The following EEFSEC variants were observed in gnomAD, a reference collection of about 807,000 sequenced individuals.
EEFSEC encodes the protein eukaryotic elongation factor, selenocysteine-tRNA specific.
EEFSEC carries 43 observed loss-of-function variants against 42.1 expected under a neutral mutation model. The observed-to-expected ratio is 1.02, with a 90% CI of 0.80 to 1.32. The LOEUF is 1.32. EEFSEC is among the 40% of genes most tolerant of loss of function. EEFSEC has a pLI of 0.00. For missense variants in EEFSEC, 745 were observed against 803.6 expected (o/e 0.93, Z 0.88); for synonymous variants, 354 against 339.1 (o/e 1.04, Z -0.48).
the EEFSEC span, among the ~76,000 whole-genome samples, chr3:128,418,506 C>G: frequency 5.3e-5 from 8 of 152,052 alleles, no homozygotes; most frequent in East Asian, 1.4e-3. Flanking sequence ...CACCCCAGGC[C>G]AGGCTACTCC....
chr3:128,358,816 C>T (rs113409715), intron 6 of EEFSEC, among the ~76,000 whole-genome samples: 23 of 152,288 alleles, frequency 1.5e-4, no homozygotes, highest in African/African-American at 5.5e-4. Flanking sequence ...CACAGACCCC[C>T]AGGCTCAGCA....
At position 128,341,686 on chromosome 3, in the gene EEFSEC, G is replaced by A. The variant is rs2067255916; in HGVS notation, c.1240G>A (p.Val414Met). The change falls in exon 5 of 7, where the codon GTG (valine) becomes ATG (methionine). Residue 414 changes from valine (V) to methionine (M), a missense_variant. Val to Met is a conservative substitution (Grantham distance 21). Transcript: ENST00000254730. The part of the protein sequence containing the change: ...GHCPRQQWAL[V>M]EFEKPVTCPR... ...TTGTCCTCGGCAGCAGTGGGCCCTG[G>A]TGGAGTTTGAGAAGCCCGTCACCTG... 1 of 1,614,116 alleles carries A rather than the reference G, an allele frequency of 6.2e-7. No homozygotes were observed. The highest frequency in any genetic ancestry group is 8.5e-7 in the Non-Finnish European group (1 of 1,180,038).
chr3:128,412,022 G>C (rs896798153), downstream of EEFSEC, among the ~76,000 whole-genome samples: 2 of 152,254 alleles, frequency 1.3e-5, no homozygotes, highest in African/African-American at 4.8e-5. Flanking sequence ...TTGTCAGTGT[G>C]TGTATCTCTT....
At chr3:128,307,442 C>T (rs575258105) in intron 4 of EEFSEC, among the ~76,000 whole-genome samples, 7 of 152,264 alleles carry the variant, frequency 4.6e-5, no homozygotes, top group South Asian at 4.1e-4. Context: ...AGGGACCCAG[C>T]GGGGCCCAGC....
chr3:128,381,030 G>C (rs1356415173), intron 6 of EEFSEC, among the ~76,000 whole-genome samples: 1 of 152,222 alleles, frequency 6.6e-6, no homozygotes, highest in Non-Finnish European at 1.5e-5. Context: ...CAGAATATCA[G>C]GCCTTGACAG....
At chr3:128,288,638 C>A (rs1344985484) in intron 4 of EEFSEC, among the ~76,000 whole-genome samples, 2 of 152,232 alleles carry the variant, frequency 1.3e-5, no homozygotes, top group East Asian at 3.8e-4. Flanking sequence ...GCTGCCAGTA[C>A]ATTGGTTGGA....
At chr3:128,282,752 C>G (rs1430129987) in intron 4 of EEFSEC, among the ~76,000 whole-genome samples, 7 of 152,180 alleles carry the variant, frequency 4.6e-5, no homozygotes. Context: ...GGAGAGGCAA[C>G]CTGGTGAGTC....
intron 4 of EEFSEC, among the ~76,000 whole-genome samples, chr3:128,277,027 C>A (rs780819084): frequency 3.3e-5 from 5 of 152,184 alleles, no homozygotes; most frequent in Non-Finnish European, 7.4e-5. Context: ...GGAAGCAGAC[C>A]CTTCTGGGCA....
intron 1 of EEFSEC, among the ~76,000 whole-genome samples, chr3:128,221,639 A>G (rs930641337): frequency 8.5e-5 from 13 of 152,332 alleles, no homozygotes; most frequent in African/African-American, 2.9e-4. Flanking sequence ...CACATGTGCA[A>G]GCCCCCACAG....
chr3:128,381,740 G>A (rs910569187), intron 6 of EEFSEC, among the ~76,000 whole-genome samples: 2 of 152,204 alleles, frequency 1.3e-5, no homozygotes, highest in Non-Finnish European at 2.9e-5. Flanking sequence ...CACGGAAGGG[G>A]CATCTTCGTG....
intron 1 of EEFSEC, among the ~76,000 whole-genome samples, chr3:128,216,023 G>A (rs1226231967): frequency 6.6e-6 from 1 of 152,168 alleles, no homozygotes; most frequent in Non-Finnish European, 1.5e-5. Context: ...CCCTGTGCCA[G>A]TGGAGTGCTA....
chr3:128,409,626 A>G (rs1274573926), downstream of EEFSEC, among the ~76,000 whole-genome samples: 1 of 152,292 alleles, frequency 6.6e-6, no homozygotes, highest in South Asian at 2.1e-4. Context: ...AACGTGAGAG[A>G]GAGTGTGGCC....
intron 6 of EEFSEC, among the ~76,000 whole-genome samples, chr3:128,403,139 C>T (rs897490065): frequency 1.3e-5 from 2 of 152,152 alleles, no homozygotes; most frequent in African/African-American, 4.8e-5. Context: ...GAAAGTGAAC[C>T]TGCAGCTGCC....
chr3:128,317,112 G>A lies in EEFSEC; in HGVS notation c.787-24121G>A, dbSNP rs1242237416. Among the ~76,000 whole-genome samples, 2 of 152,198 alleles carry A rather than the reference G, an allele frequency of 1.3e-5. No individual in the cohort carries two copies. Among genetic ancestry groups the A allele is most frequent in the Admixed American group, 6.5e-5 (1 of 15,286 alleles). ...AAAATAGAAGACGTTCTGGCAGGCT[G>A]GGGGTTAGAGTTTTCCAAGCAGAGC... On this transcript the variant is annotated intron_variant, in intron 4 of 6. Coordinates refer to ENST00000254730, the MANE Select transcript of EEFSEC (RefSeq NM_021937.5). This position sits in a 1 kb window ranked among gnomAD's most constrained non-coding sequence, Gnocchi z 4.1.
rs374768292 is a variant in EEFSEC at position 128,391,792 on chromosome 3, G to A, written c.1601-16277G>A. On this transcript the variant is annotated intron_variant, in intron 6 of 6. Transcript: ENST00000254730. ...CTGGCCCACTCAGGCAGTCCTCAGA[G>A]TCTGGGACAGTGCCTGGTGCCCAGC... Among the ~76,000 whole-genome samples the A allele has an allele frequency of 2.0e-4, 30 of 152,374 alleles. 2 individuals carry two copies. The highest frequency in any genetic ancestry group is 1.4e-3 in the East Asian group (7 of 5,184).
intron 6 of EEFSEC, among the ~76,000 whole-genome samples, chr3:128,395,850 C>T (rs1396256180): frequency 6.6e-6 from 1 of 152,228 alleles, no homozygotes; most frequent in Non-Finnish European, 1.5e-5. Context: ...CTTTACCAAG[C>T]GCTTCCTGGA....
chr3:128,170,219 G>A (rs948917794), intron 1 of EEFSEC, among the ~76,000 whole-genome samples: 4 of 152,148 alleles, frequency 2.6e-5, no homozygotes, highest in Admixed American at 2.6e-4. Context: ...TTTTTCTGCT[G>A]TTGATTTTCT....
At chr3:128,392,541 C>G (rs144182731) in intron 6 of EEFSEC, among the ~76,000 whole-genome samples, 216 of 152,350 alleles carry the variant, frequency 1.4e-3, no homozygotes, top group African/African-American at 4.8e-3. Context: ...CTTCCATGGG[C>G]CGAGGCACGC....
chr3:128,314,838 C>T (rs1445991428), intron 4 of EEFSEC, among the ~76,000 whole-genome samples: 1 of 152,172 alleles, frequency 6.6e-6, no homozygotes, highest in Non-Finnish European at 1.5e-5. Context: ...AGGTTGAGAA[C>T]CACTGCTCCA....
Sources: gnomAD v4.1 joint callset for allele counts (sites outside exome capture counted in the v4.1 genomes callset) on GRCh38, gnomAD v4.1.1 for gene constraint, Gnocchi (gnomAD v3.1) non-coding constraint, MANE v1.5 for transcripts, NCBI Gene and HGNC (gene_info 2026-07-23, HGNC 2026-07-21) for gene names.